Variants in DNAJC5 observed in about 807,000 individuals in gnomAD.
DNAJC5 encodes dnaJ homolog subfamily C member 5.
In DNAJC5, 1 loss-of-function variant was observed where a neutral mutation model predicts 23.2. That is an observed-to-expected ratio of 0.04 (90% CI 0.02 to 0.20). DNAJC5 has a LOEUF of 0.20. DNAJC5 is among the 10% of genes least tolerant of loss of function. The pLI, the probability that DNAJC5 is intolerant of heterozygous loss-of-function variation, is 1.00. For missense variants in DNAJC5, 180 were observed against 267.0 expected, an observed-to-expected ratio of 0.67 and a Z score of 2.27; for synonymous variants, 136 against 120.0, an observed-to-expected ratio of 1.13 and a Z score of -0.87.
chr20:63,913,743 G>A (rs987974059), intron 1 of DNAJC5, among the ~76,000 whole-genome samples: 1 of 151,978 alleles, frequency 6.6e-6, no homozygotes, highest in African/African-American at 2.4e-5. Flanking sequence ...ACCACGCCCA[G>A]CTAATTTTGT....
rs1367695818 is a variant in DNAJC5, at chr20:63,931,715, G to A, written c.*147G>A. 4 of 769,752 alleles carry A rather than the reference G, an allele frequency of 5.2e-6. No individual in the cohort carries two copies. The highest frequency in any genetic ancestry group is 2.9e-5 in the South Asian group (2 of 67,888). 47.7% of individuals were successfully genotyped at this position (769,752 alleles called of 1,614,324 possible). A position where few individuals can be genotyped will look rare whatever the true frequency, so the allele number is the denominator to read the frequency against. On this transcript the variant is annotated 3_prime_UTR_variant, in exon 5 of 5. Coordinates refer to ENST00000360864, the MANE Select transcript of DNAJC5 (RefSeq NM_025219.3). The surrounding 1 kb of genome is among the most constrained non-coding windows in gnomAD (Gnocchi z 9.6). ...CCTCCTGCCTCCACGCCCACCCAGC[G>A]TCGACCCTTGACCCACGAAGTGCGT...
Position 63,931,531 on chromosome 20 carries a change from A to G in DNAJC5, c.560A>G (p.Asp187Gly). The stretch of plus-strand genomic sequence containing the variant: ...ACCGAGACCACCCAGCTCACAGCCG[A>G]CTCCCACCCCAGCTACCACACTGAC... ...SATETTQLTA[D>G]SHPSYHTDGF... Residue 187 changes from aspartate to glycine, a missense_variant, in exon 5 of 5, where the codon GAC becomes GGC. Asp to Gly is a moderately conservative substitution (Grantham distance 94). Transcript: ENST00000360864. The surrounding 1 kb of genome is among the most constrained non-coding windows in gnomAD (Gnocchi z 9.6). The G allele has an allele frequency of 6.3e-7, 1 of 1,581,556 alleles. No homozygotes were observed. The highest frequency in any genetic ancestry group is 1.2e-5 in the South Asian group (1 of 86,902).
At chr20:63,911,705 GCT>G (rs1281995792) in intron 1 of DNAJC5, among the ~76,000 whole-genome samples, 1 of 151,484 alleles carries the variant, frequency 6.6e-6, no homozygotes, top group African/African-American at 2.4e-5. Flanking sequence ...ACAGGGTCTT[GCT>G]CTGTCAATCA....
In DNAJC5 at chr20:63,928,313, T is replaced by C. The variant is rs2053632230; in HGVS notation, c.-11-22T>C. Reference sequence around the variant, plus strand: ...ACTTTCATCTATACTTTGTGATACTTTCTTTTTATTTTTTCTTCTAGAATA... The same window carrying C: ...ACTTTCATCTATACTTTGTGATACTCTCTTTTTATTTTTTCTTCTAGAATA... On this transcript the variant is annotated intron_variant, in intron 1 of 4. Transcript: ENST00000360864. The surrounding 1 kb of genome is among the most constrained non-coding windows in gnomAD (Gnocchi z 4.6). The C allele has an allele frequency of 6.3e-7, 1 of 1,588,032 alleles. No homozygotes were observed. The highest frequency in any genetic ancestry group is 1.1e-5 in the South Asian group (1 of 90,588).
At chr20:63,918,384 T>G (rs920438171) in intron 1 of DNAJC5, among the ~76,000 whole-genome samples, 1 of 151,998 alleles carries the variant, frequency 6.6e-6, no homozygotes, top group Non-Finnish European at 1.5e-5. Context: ...GAAAAGTAAA[T>G]CCAGTGCTAG....
intron 1 of DNAJC5, among the ~76,000 whole-genome samples, chr20:63,913,061 T>C (rs2053491754): frequency 6.6e-6 from 1 of 151,854 alleles, no homozygotes; most frequent in Admixed American, 6.6e-5. Flanking sequence ...AGCAAAGAGG[T>C]AGTTCCCTGC....
Position 63,935,443 on chromosome 20 carries a change from G to C in DNAJC5, c.*3875G>C, listed in dbSNP as rs2053710122. 6.6e-6 allele frequency: 1 copy of C among 152,378 alleles called. No homozygotes were observed. Among genetic ancestry groups the C allele is most frequent in the Non-Finnish European group, 1.5e-5 (1 of 68,138 alleles). The allele number at this position is 152,378 out of a possible 1,614,324, so 9.4% of individuals were successfully genotyped here. ...GCATTGGCCTCTGCTCTGCAGGGTG[G>C]GGTGCCCATCCTGGGGGCTGTGTGT... On this transcript the variant is annotated 3_prime_UTR_variant, in exon 5 of 5. Coordinates refer to ENST00000360864, the MANE Select transcript of DNAJC5 (RefSeq NM_025219.3).
intron 1 of DNAJC5, among the ~76,000 whole-genome samples, chr20:63,913,656 C>G (rs2053497618): frequency 6.6e-6 from 1 of 152,162 alleles, no homozygotes; most frequent in Admixed American, 6.5e-5. Flanking sequence ...TCACTGCAAC[C>G]TCCACCTCCT....
At chr20:63,921,371 C>G (rs1465050655) in intron 1 of DNAJC5, among the ~76,000 whole-genome samples, 1 of 152,044 alleles carries the variant, frequency 6.6e-6, no homozygotes, top group Non-Finnish European at 1.5e-5. Flanking sequence ...GCTGGTGGAT[C>G]ACGAGGTGTG....
chr20:63,926,943 T>G (rs1317825427), intron 1 of DNAJC5, among the ~76,000 whole-genome samples: 5 of 152,262 alleles, frequency 3.3e-5, no homozygotes, highest in African/African-American at 1.2e-4. Context: ...AAACATTTTC[T>G]AAGTTCCCCT....
At chr20:63,902,174 C>T (rs2053417510) in intron 1 of DNAJC5, among the ~76,000 whole-genome samples, 1 of 151,918 alleles carries the variant, frequency 6.6e-6, no homozygotes, top group East Asian at 1.9e-4. Flanking sequence ...CCTGCCTCAG[C>T]CTCCCGAGTA....
At chr20:63,922,880 C>T (rs186792309) in intron 1 of DNAJC5, among the ~76,000 whole-genome samples, 4 of 152,306 alleles carry the variant, frequency 2.6e-5, no homozygotes, top group Admixed American at 6.5e-5. Flanking sequence ...TGGCTCATGC[C>T]TGTAATCCCC....
intron 1 of DNAJC5, among the ~76,000 whole-genome samples, chr20:63,912,040 T>C (rs1205143295): frequency 6.6e-6 from 1 of 152,106 alleles, no homozygotes; most frequent in East Asian, 1.9e-4. Flanking sequence ...CACTGGCTCA[T>C]ATCTGTAATC....
intron 1 of DNAJC5, among the ~76,000 whole-genome samples, chr20:63,910,696 A>G (rs2146280645): frequency 6.7e-6 from 1 of 150,348 alleles, no homozygotes; most frequent in East Asian, 2.0e-4. Context: ...TAATTGAGAC[A>G]GAGTCTGACT....
At position 63,920,067 on chromosome 20, in the gene DNAJC5, C is replaced by T. The variant is rs1295295404; in HGVS notation, c.-11-8268C>T. 8 of 389,638 alleles carry T rather than the reference C, an allele frequency of 2.1e-5. No homozygotes were observed. The highest frequency in any genetic ancestry group is 4.0e-5 in the Non-Finnish European group (8 of 202,210). 24.1% of individuals were successfully genotyped at this position (389,638 alleles called of 1,614,324 possible). On this transcript the variant is annotated intron_variant, in intron 1 of 4. Transcript: ENST00000360864. This position sits in a 1 kb window ranked among gnomAD's most constrained non-coding sequence, Gnocchi z 4.6. ...CATGTGCCCAGGGCCCGGGACAGCG[C>T]CACGGAAGAGGACGCACCCGGCTGT...
intron 1 of DNAJC5, chr20:63,919,478 C>T (rs758425179): frequency 1.0e-5 from 5 of 496,354 alleles, no homozygotes; most frequent in South Asian, 5.8e-5. Flanking sequence ...CCCGGGACAG[C>T]GCCACGGAAG....
intron 1 of DNAJC5, among the ~76,000 whole-genome samples, chr20:63,898,921 A>G (rs1260601739): frequency 6.6e-6 from 1 of 152,208 alleles, no homozygotes. Flanking sequence ...CTCGTGCCAC[A>G]AAGTCCTGAG....
At chr20:63,927,543 C>A (rs568900675) in intron 1 of DNAJC5, among the ~76,000 whole-genome samples, 11 of 146,706 alleles carry the variant, frequency 7.5e-5, no homozygotes, top group South Asian at 2.2e-4. Flanking sequence ...TGTCCCCCCC[C>A]CCAAAAAAGA....
chr20:63,929,324 G>A lies in DNAJC5; in HGVS notation c.120G>A (p.Leu40=). ...TTTTGGTTTGCAGGAAGCTTGCCTTGAAATATCACCCCGACAAGAACCCCG... is the reference window on the plus strand; with the variant it reads ...TTTTGGTTTGCAGGAAGCTTGCCTTAAAATATCACCCCGACAAGAACCCCG... ...DIKKSYRKLA[L]KYHPDKNPDN... is the part of the protein sequence containing the mutation. Residue 40 remains leucine, a synonymous_variant, in exon 3 of 5, where the codon TTG becomes TTA. Coordinates refer to ENST00000360864, the MANE Select transcript of DNAJC5 (RefSeq NM_025219.3). The surrounding 1 kb of genome is among the most constrained non-coding windows in gnomAD (Gnocchi z 8.6). The A allele has an allele frequency of 1.9e-6, 3 of 1,613,932 alleles. No homozygotes were observed. The South Asian group carries it at 3.3e-5, about 18-fold the overall frequency.
Sources: gnomAD v4.1 joint callset for allele counts (sites outside exome capture counted in the v4.1 genomes callset) on GRCh38, gnomAD v4.1.1 for gene constraint, Gnocchi (gnomAD v3.1) non-coding constraint, MANE v1.5 for transcripts, NCBI Gene and HGNC (gene_info 2026-07-23, HGNC 2026-07-21) for gene names.